Variants in CAMK4 observed in about 807,000 individuals in gnomAD.
CAMK4 encodes calcium/calmodulin dependent protein kinase IV, also known as calcium/calmodulin-dependent protein kinase type IV.
In CAMK4, 22 loss-of-function variants were observed where a neutral mutation model predicts 44.9. The observed-to-expected ratio is 0.49, with a 90% CI of 0.35 to 0.70. The LOEUF (loss-of-function observed/expected upper bound fraction) is 0.70, where lower values mean the gene tolerates loss of function less well. CAMK4 is among the 30% of genes least tolerant of loss of function. The pLI, the probability that CAMK4 is intolerant of heterozygous loss-of-function variation, is 0.01. For missense variants in CAMK4, 498 were observed against 586.8 expected (o/e 0.85, Z 1.56); for synonymous variants, 218 against 215.4 (o/e 1.01, Z -0.11).
At chr5:111,369,440 A>C (rs1229540736) in intron 2 of CAMK4, among the ~76,000 whole-genome samples, 4 of 152,186 alleles carry the variant, frequency 2.6e-5, no homozygotes, top group Admixed American at 2.6e-4. Flanking sequence ...ATATTTTTAA[A>C]TTTACTAATT....
chr5:111,234,687 G>A (rs1038671083), intron 1 of CAMK4, among the ~76,000 whole-genome samples: 3 of 152,132 alleles, frequency 2.0e-5, no homozygotes, highest in Non-Finnish European at 4.4e-5. Context: ...GTTACCACTT[G>A]CTTGTTAAGT....
intron 1 of CAMK4, among the ~76,000 whole-genome samples, chr5:111,244,816 G>A (rs1749160560): frequency 6.6e-6 from 1 of 152,012 alleles, no homozygotes; most frequent in Admixed American, 6.6e-5. Context: ...AGCCGAGATC[G>A]CACCACTGCA....
intron 1 of CAMK4, among the ~76,000 whole-genome samples, chr5:111,333,971 A>C (rs1193850920): frequency 6.6e-6 from 1 of 151,492 alleles, no homozygotes; most frequent in East Asian, 2.0e-4. Context: ...GGCACCAAGT[A>C]GGAGGACATG....
intron 1 of CAMK4, among the ~76,000 whole-genome samples, chr5:111,270,324 T>G (rs186470121): frequency 5.2e-4 from 79 of 152,318 alleles, no homozygotes; most frequent in African/African-American, 1.8e-3. Context: ...TCCTGTCCAT[T>G]TCTTAATTCA....
At chr5:111,443,243 CATATATATATATATATATATAT>C (rs1232548245) in intron 5 of CAMK4, among the ~76,000 whole-genome samples, 3 of 72,244 alleles carry the variant, frequency 4.2e-5, no homozygotes, top group East Asian at 3.6e-4. Flanking sequence ...CTCCCCCTAC[CATATATATATATATATATATAT>C]ATATATATAT....
At chr5:111,480,994 G>A (rs1164583405) in intron 9 of CAMK4, among the ~76,000 whole-genome samples, 1 of 152,188 alleles carries the variant, frequency 6.6e-6, no homozygotes, top group Non-Finnish European at 1.5e-5. Context: ...CATCGGCAGA[G>A]ACTAAGTGCT....
intron 7 of CAMK4, among the ~76,000 whole-genome samples, chr5:111,472,684 G>A (rs776029734): frequency 2.6e-5 from 4 of 152,190 alleles, no homozygotes; most frequent in Non-Finnish European, 5.9e-5. Flanking sequence ...ACTGTGCACA[G>A]ATAAGTTCCC....
chr5:111,349,212 T>A (rs968814171), intron 2 of CAMK4, among the ~76,000 whole-genome samples: 2 of 152,020 alleles, frequency 1.3e-5, no homozygotes, highest in Non-Finnish European at 2.9e-5. Context: ...GTGCCATTTT[T>A]GTTCCCCATG....
In CAMK4 at chr5:111,488,311, A is replaced by T. The variant is rs1402147573; in HGVS notation, c.*3845A>T. ...TGACCATTAGCTGGCATTTTTTAAG[A>T]TTTCCTTAGAAGGGTTTAATCAACA... On this transcript the variant is annotated 3_prime_UTR_variant, in exon 11 of 11. Coordinates refer to ENST00000282356, the MANE Select transcript of CAMK4 (RefSeq NM_001744.6). 1 of 152,170 alleles carries T rather than the reference A, an allele frequency of 6.6e-6. No individual in the cohort carries two copies. 9.4% of individuals were successfully genotyped at this position (152,170 alleles called of 1,614,324 possible).
chr5:111,234,539 T>A (rs1026524144), intron 1 of CAMK4, among the ~76,000 whole-genome samples: 2 of 152,210 alleles, frequency 1.3e-5, no homozygotes, highest in African/African-American at 4.8e-5. Context: ...ATATAACTAA[T>A]GCACTTCGTG....
chr5:111,383,733 G>A (rs190673165), intron 4 of CAMK4, among the ~76,000 whole-genome samples: 1 of 151,734 alleles, frequency 6.6e-6, no homozygotes, highest in Admixed American at 6.6e-5. Context: ...CCAAAGTGCT[G>A]GGATTACAAG....
intron 1 of CAMK4, among the ~76,000 whole-genome samples, chr5:111,321,391 A>G (rs1748655766): frequency 6.6e-6 from 1 of 151,934 alleles, no homozygotes; most frequent in Non-Finnish European, 1.5e-5. Context: ...CAAACAAAAC[A>G]CATCTGTTTG....
At chr5:111,408,116 A>AG (rs1752503075) in intron 5 of CAMK4, among the ~76,000 whole-genome samples, 2 of 149,274 alleles carry the variant, frequency 1.3e-5, no homozygotes, top group African/African-American at 4.9e-5. Context: ...CAAAGAAAGA[A>AG]AGAGAGAGAG....
intron 5 of CAMK4, among the ~76,000 whole-genome samples, chr5:111,432,810 A>G (rs2112943147): frequency 6.6e-6 from 1 of 152,072 alleles, no homozygotes; most frequent in Non-Finnish European, 1.5e-5. Flanking sequence ...TTAGCTCATA[A>G]TTCCAGTCAT....
At chr5:111,465,845 T>C (rs1305870598) in intron 7 of CAMK4, among the ~76,000 whole-genome samples, 3 of 152,186 alleles carry the variant, frequency 2.0e-5, no homozygotes, top group Non-Finnish European at 4.4e-5. Flanking sequence ...CCCTAAATCA[T>C]TCTATGAAGC....
chr5:111,309,958 A>G (rs1580566854), intron 1 of CAMK4, among the ~76,000 whole-genome samples: 1 of 152,166 alleles, frequency 6.6e-6, no homozygotes, highest in African/African-American at 2.4e-5. Flanking sequence ...GCTTCAGAAT[A>G]GATAAATAGT....
intron 5 of CAMK4, among the ~76,000 whole-genome samples, chr5:111,404,956 C>G (rs306100): frequency 6.6e-6 from 1 of 151,760 alleles, no homozygotes; most frequent in Non-Finnish European, 1.5e-5. Context: ...TACTGATTCC[C>G]TAGTTTATTC....
At chr5:111,459,851 C>T (rs955056730) in intron 7 of CAMK4, among the ~76,000 whole-genome samples, 10 of 151,818 alleles carry the variant, frequency 6.6e-5, no homozygotes, top group African/African-American at 2.2e-4. Flanking sequence ...TACAGGTGCC[C>T]GAGACAGTCT....
Position 111,487,117 on chromosome 5 carries a change from T to C in CAMK4, c.*2651T>C, listed in dbSNP as rs1485722497. The C allele has an allele frequency of 1.3e-5, 2 of 152,196 alleles. No individual in the cohort carries two copies. Among genetic ancestry groups the C allele is most frequent in the Non-Finnish European group, 2.9e-5 (2 of 68,028 alleles). The allele number at this position is 152,196 out of a possible 1,614,324, so 9.4% of individuals were successfully genotyped here. A position where few individuals can be genotyped will look rare whatever the true frequency, so the allele number is the denominator to read the frequency against. ...ATGTATTGTCTATCTCAAAGATTAC[T>C]TAGCTAAATAATAGTAGACAAATGG... On this transcript the variant is annotated 3_prime_UTR_variant, in exon 11 of 11. Transcript: ENST00000282356.
Sources: allele counts gnomAD v4.1 joint callset (sites outside exome capture counted in the v4.1 genomes callset), GRCh38; gene constraint gnomAD v4.1.1; transcripts MANE v1.5; gene names NCBI Gene and HGNC (gene_info 2026-07-23, HGNC 2026-07-21).